HPS5: variants seen among roughly 807,000 people sequenced by gnomAD.
The protein encoded by HPS5 is HPS5 biogenesis of lysosomal organelles complex 2 subunit 2.
Under a neutral mutation model 128.0 loss-of-function variants are expected in HPS5, and 83 were observed. The observed-to-expected ratio is 0.65, with a 90% CI of 0.54 to 0.78. HPS5 has a LOEUF of 0.78. HPS5 is among the 30% of genes least tolerant of loss of function. The probability of loss-of-function intolerance (pLI) is 0.00; values close to 1 mark genes in which losing one functional copy is unlikely to be tolerated. For synonymous variants in HPS5, 475 were observed against 470.2 expected (o/e 1.01, Z -0.13); for missense variants, 1,281 against 1,326.2 (o/e 0.97, Z 0.53).
chr11:18,301,629 G>C (rs1242292696), intron 8 of HPS5, among the ~76,000 whole-genome samples: 1 of 152,084 alleles, frequency 6.6e-6, no homozygotes, highest in African/African-American at 2.4e-5. Flanking sequence ...ACTCTAGTGA[G>C]ACACTTTTAA....
intron 19 of HPS5, 136 bp downstream of exon 19, chr11:18,286,455 T>C: frequency 1.2e-6 from 1 of 817,300 alleles, no homozygotes; most frequent in Non-Finnish European, 1.9e-6. Context: ...AAGGGTTTAA[T>C]CACCTGAGCC....
rs1201659898 is a variant in HPS5 at position 18,279,740 on chromosome 11, A to G, written c.*142T>C. The G allele has an allele frequency of 6.5e-6, 5 of 774,978 alleles. No individual in the cohort carries two copies. Among genetic ancestry groups the G allele is most frequent in the African/African-American group, 3.4e-5 (2 of 58,176 alleles). The allele number at this position is 774,978 out of a possible 1,614,324, so 48.0% of individuals were successfully genotyped here. A position where few individuals can be genotyped will look rare whatever the true frequency, so the allele number is the denominator to read the frequency against. ...TCACAGATGCCGATGCCAAGGGTAC[A>G]GACACTGACAAAAGTAGCCCCAATA... On this transcript the variant is annotated 3_prime_UTR_variant, in exon 23 of 23. Transcript: ENST00000349215.
Position 18,292,822 on chromosome 11 carries a change from A to C in HPS5, c.1862+77T>G. 6 of 1,077,316 alleles carry C rather than the reference A, an allele frequency of 5.6e-6. No individual in the cohort carries two copies. In the South Asian group the frequency reaches 6.2e-5, roughly 11 times the overall value. 66.7% of individuals were successfully genotyped at this position (1,077,316 alleles called of 1,614,324 possible). A position where few individuals can be genotyped will look rare whatever the true frequency, so the allele number is the denominator to read the frequency against. On this transcript the variant is annotated intron_variant, in intron 15 of 22. Transcript: ENST00000349215. ...TATATTTCATACAAGGCCCATAAAA[A>C]ACTTACAATATAATGATTCACTTCG...
intron 8 of HPS5, among the ~76,000 whole-genome samples, chr11:18,303,651 G>C (rs1021527581): frequency 6.6e-6 from 1 of 152,054 alleles, no homozygotes; most frequent in African/African-American, 2.4e-5. Context: ...TCAGGAGTTC[G>C]AGACCAGCCT....
chr11:18,319,927 G>T (rs1000968916), intron 1 of HPS5, among the ~76,000 whole-genome samples: 1 of 152,082 alleles, frequency 6.6e-6, no homozygotes, highest in African/African-American at 2.4e-5. Context: ...CATGGTACAG[G>T]ATCCAAGAGA....
At chr11:18,281,867 T>A (rs1859013884) in intron 22 of HPS5, 83 bp downstream of exon 22, 1 of 1,506,486 alleles carries the variant, frequency 6.6e-7, no homozygotes, top group East Asian at 2.3e-5. Context: ...CGGGACTAAA[T>A]GATCTCCACA....
intron 21 of HPS5, among the ~76,000 whole-genome samples, chr11:18,282,452 A>G (rs1859127859): frequency 6.6e-6 from 1 of 151,490 alleles, no homozygotes; most frequent in African/African-American, 2.4e-5. Context: ...TTAAAGAGAG[A>G]CAGGGTCTCA....
rs1295586041 is a variant in HPS5 at position 18,284,016 on chromosome 11, A to G, written c.2952-115T>C. On this transcript the variant is annotated intron_variant, in intron 20 of 22. Transcript: ENST00000349215. ...TGGCTATTTCAATTTAAATTAATTA[A>G]AAGTAAATAACATCTGAAAGTCAGT... is the stretch of plus-strand genomic sequence containing the variant. 8.5e-6 allele frequency: 6 copies of G among 707,930 alleles called. No individual in the cohort carries two copies. The East Asian group carries it at 1.6e-4, about 19-fold the overall frequency. 43.9% of individuals were successfully genotyped at this position (707,930 alleles called of 1,614,324 possible). A position where few individuals can be genotyped will look rare whatever the true frequency, so the allele number is the denominator to read the frequency against.
At chr11:18,312,103 G>T in intron 2 of HPS5, 79 bp from the exon 3 acceptor site, 1 of 1,084,604 alleles carries the variant, frequency 9.2e-7, no homozygotes. Flanking sequence ...TAAATACTGA[G>T]GATTTATGCA....
chr11:18,285,035 T>C (rs537118466), intron 20 of HPS5, among the ~76,000 whole-genome samples: 3 of 151,866 alleles, frequency 2.0e-5, no homozygotes, highest in Non-Finnish European at 4.4e-5. Flanking sequence ...CTATCAATTA[T>C]AATTGGTATC....
chr11:18,297,772 A>G, intron 10 of HPS5, 55 bp from the exon 11 acceptor site: 1 of 1,526,616 alleles, frequency 6.6e-7, no homozygotes, highest in South Asian at 1.1e-5. Context: ...CTATATTCAA[A>G]TGGCCAATAT....
At position 18,287,897 on chromosome 11, in the gene HPS5, T is replaced by G. The variant is rs746470987; in HGVS notation, c.2557A>C (p.Thr853Pro). ...ACAATATACAGGACAACTTACCGGG[T>G]AGCATAAACAACCAACAACGGACTA... ...FDSPLLVVYA[T>P]RLYEKFGESA... The change falls in exon 17 of 23, where the codon ACC (threonine) becomes CCC (proline). Residue 853 changes from threonine (T) to proline (P), a missense_variant. By Grantham distance (38) the Thr-to-Pro change is conservative (BLOSUM62 -1). Transcript: ENST00000349215. 1 of 1,614,032 alleles carries G rather than the reference T, an allele frequency of 6.2e-7. No homozygotes were observed. The highest frequency in any genetic ancestry group is 8.5e-7 in the Non-Finnish European group (1 of 1,179,992).
Position 18,296,132 on chromosome 11 carries a change from G to T in HPS5, c.1511-10C>A, listed in dbSNP as rs758795188. On this transcript the variant is annotated splice_polypyrimidine_tract_variant and intron_variant, in intron 12 of 22. Coordinates refer to ENST00000349215, the MANE Select transcript of HPS5 (RefSeq NM_181507.2). Reference sequence around the variant, plus strand: ...GCATGAGAAACATTGTCTAATGAATGGAATCAGGAAAAAAAGAAACAAAAT... The same window carrying T: ...GCATGAGAAACATTGTCTAATGAATTGAATCAGGAAAAAAAGAAACAAAAT... The T allele has an allele frequency of 6.2e-7, 1 of 1,612,424 alleles. No homozygotes were observed. The highest frequency in any genetic ancestry group is 1.7e-5 in the Admixed American group (1 of 59,966).
chr11:18,305,457 G>A lies in HPS5; in HGVS notation c.861C>T (p.Ser287=), dbSNP rs368150352. 2.5e-6 allele frequency: 4 copies of A among 1,610,782 alleles called. No individual in the cohort carries two copies. Among genetic ancestry groups the A allele is most frequent in the Non-Finnish European group, 3.4e-6 (4 of 1,177,348 alleles). Residue 287 remains serine (S), a synonymous_variant, in exon 8 of 23, where the codon TCC becomes TCT. Transcript: ENST00000349215. ...EPQYDHTAGS[S]QSLSFPKLLH... is the part of the protein sequence containing the mutation. Reference sequence around the variant, plus strand: ...AGAGTTTGGGGAAAGACAAAGACTGGGAGGATCCAGCTGTATGATCATACT... The same window carrying A: ...AGAGTTTGGGGAAAGACAAAGACTGAGAGGATCCAGCTGTATGATCATACT...
At chr11:18,320,534 T>C (rs10741741) in intron 1 of HPS5, among the ~76,000 whole-genome samples, 91,173 of 152,084 alleles carry the variant, frequency 0.6, 29,135 homozygotes, top group East Asian at 0.96. Context: ...TTATTCCTAA[T>C]TGTATGTAGC....
In HPS5 at chr11:18,291,839, CT is replaced by C. The variant is rs1564940513; in HGVS notation, c.2042del (p.Lys681ArgfsTer4). The C allele has an allele frequency of 6.2e-7, 1 of 1,611,394 alleles. No individual in the cohort carries two copies. Among genetic ancestry groups the C allele is most frequent in the Non-Finnish European group, 8.5e-7 (1 of 1,179,024 alleles). On this transcript the variant is annotated frameshift_variant, in exon 16 of 23. Coordinates refer to ENST00000349215, the MANE Select transcript of HPS5 (RefSeq NM_181507.2). LOFTEE classifies it high-confidence loss of function. ...QDVLLVNESK[K>X]GILDEDNEKE... ...TTTCATTATCTTCATCTAATATTCCCTTTTTTGATTCATTAACTAATAGCAC... is the reference window on the plus strand; with the variant it reads ...TTTCATTATCTTCATCTAATATTCCCTTTTTGATTCATTAACTAATAGCAC...
chr11:18,296,199 AAATG>A, intron 12 of HPS5, 77 bp from the exon 13 acceptor site: 8 of 1,470,866 alleles, frequency 5.4e-6, no homozygotes, highest in Non-Finnish European at 7.5e-6. Flanking sequence ...AAAAATTCTG[AAATG>A]AATAAACCGA....
At chr11:18,309,880 T>C (rs1338015694) in intron 5 of HPS5, among the ~76,000 whole-genome samples, 7 of 152,120 alleles carry the variant, frequency 4.6e-5, no homozygotes, top group Admixed American at 3.9e-4. Context: ...TGCATGCCAG[T>C]AGTCCCAGCT....
chr11:18,290,517 A>G (rs369927284), intron 16 of HPS5, among the ~76,000 whole-genome samples: 12 of 152,364 alleles, frequency 7.9e-5, no homozygotes, highest in Admixed American at 2.6e-4. Context: ...AGTAAGTTAC[A>G]TGAGAGATTT....
Sources: allele counts gnomAD v4.1 joint callset (sites outside exome capture counted in the v4.1 genomes callset), GRCh38; gene constraint gnomAD v4.1.1; transcripts MANE v1.5; gene names NCBI Gene and HGNC (gene_info 2026-07-23, HGNC 2026-07-21).